EXOC4: variants seen among roughly 807,000 people sequenced by gnomAD.
The protein encoded by EXOC4 is exocyst complex component 4.
A neutral mutation model predicts 107.2 loss-of-function variants in EXOC4; 71 were observed. The observed-to-expected ratio is 0.66, with a 90% CI of 0.55 to 0.81. The LOEUF is 0.81. Among genes scored for constraint, EXOC4 ranks in the 30% least tolerant of loss-of-function variants. The pLI, the probability that EXOC4 is intolerant of heterozygous loss-of-function variation, is 0.00. For synonymous variants in EXOC4, 456 were observed against 441.2 expected (o/e 1.03, Z -0.42); for missense variants, 1,108 against 1,189.6 (o/e 0.93, Z 1.01).
At chr7:134,093,138 A>AACAAG in the EXOC4 span, among the ~76,000 whole-genome samples, 1 of 152,274 alleles carries the variant, frequency 6.6e-6, no homozygotes, top group African/African-American at 2.4e-5. Context: ...GGATTAAAAA[A>AACAAG]ACAAGACCCT....
At chr7:133,448,883 T>A in intron 7 of EXOC4, among the ~76,000 whole-genome samples, 1 of 152,080 alleles carries the variant, frequency 6.6e-6, no homozygotes, top group African/African-American at 2.4e-5. Context: ...GGTGGGTGGA[T>A]CACTTGAGGT....
intron 10 of EXOC4, among the ~76,000 whole-genome samples, chr7:133,662,809 A>G (rs1793726400): frequency 6.6e-6 from 1 of 152,194 alleles, no homozygotes; most frequent in Non-Finnish European, 1.5e-5. Flanking sequence ...TTTGCTAAGA[A>G]GCAGTAGATA....
rs111919337 is a variant in EXOC4, at chr7:134,004,893, C to T, written c.2349-19C>T. On this transcript the variant is annotated intron_variant, in intron 15 of 17. Transcript: ENST00000253861. ...AAGGATTTATTATTAACTGCTCTCC[C>T]TATCTCTCTCTTTTTCAGGGTTCAC... is the stretch of plus-strand genomic sequence containing the variant. The T allele has an allele frequency of 1.9e-6, 3 of 1,604,470 alleles. No homozygotes were observed. Among genetic ancestry groups the T allele is most frequent in the South Asian group, 2.2e-5 (2 of 90,010 alleles).
intron 10 of EXOC4, among the ~76,000 whole-genome samples, chr7:133,671,096 A>G (rs545463880): frequency 1.3e-5 from 2 of 152,294 alleles, no homozygotes; most frequent in East Asian, 3.9e-4. Context: ...ATACCTGAAG[A>G]CAAGTGAGCA....
At chr7:133,583,800 G>A (rs923560157) in intron 9 of EXOC4, among the ~76,000 whole-genome samples, 1 of 152,116 alleles carries the variant, frequency 6.6e-6, no homozygotes, top group African/African-American at 2.4e-5. Flanking sequence ...TTAAGTGGAG[G>A]AAGAAATGAT....
At chr7:133,850,102 A>G (rs1485034356) in intron 11 of EXOC4, among the ~76,000 whole-genome samples, 2 of 152,234 alleles carry the variant, frequency 1.3e-5, no homozygotes, top group Non-Finnish European at 2.9e-5. Context: ...TTCTAAACCA[A>G]CAAAACACTG....
intron 9 of EXOC4, among the ~76,000 whole-genome samples, chr7:133,534,036 A>G (rs545136791): frequency 6.6e-6 from 1 of 152,304 alleles, no homozygotes; most frequent in South Asian, 2.1e-4. Flanking sequence ...CCTCTTCTGA[A>G]TAACTCAGTT....
At chr7:133,378,607 A>C (rs1483932931) in intron 7 of EXOC4, among the ~76,000 whole-genome samples, 1 of 152,154 alleles carries the variant, frequency 6.6e-6, no homozygotes, top group Non-Finnish European at 1.5e-5. Context: ...TGAATTTCTT[A>C]TATAATTCAT....
intron 7 of EXOC4, among the ~76,000 whole-genome samples, chr7:133,409,752 A>T (rs542458222): frequency 6.6e-6 from 1 of 152,070 alleles, no homozygotes; most frequent in Non-Finnish European, 1.5e-5. Context: ...GAATGCTACT[A>T]TTGGCCAGCT....
At chr7:133,469,290 C>T (rs1020894283) in intron 7 of EXOC4, among the ~76,000 whole-genome samples, 2 of 152,156 alleles carry the variant, frequency 1.3e-5, no homozygotes, top group Admixed American at 6.5e-5. Flanking sequence ...GTGGCATGCA[C>T]CTGTAATCCC....
At chr7:133,336,759 G>A (rs1250961203) in intron 5 of EXOC4, among the ~76,000 whole-genome samples, 2 of 142,960 alleles carry the variant, frequency 1.4e-5, no homozygotes, top group African/African-American at 2.6e-5. Context: ...CTTAGAGATG[G>A]AGTCTTGCTC....
chr7:133,918,372 C>G (rs557582951), intron 13 of EXOC4, among the ~76,000 whole-genome samples: 392 of 152,250 alleles, frequency 2.6e-3, no homozygotes, highest in Non-Finnish European at 4.2e-3. Flanking sequence ...TTTGTAGCCC[C>G]CATATGGGCC....
intron 10 of EXOC4, among the ~76,000 whole-genome samples, chr7:133,750,789 C>A (rs1478244903): frequency 6.6e-6 from 1 of 152,084 alleles, no homozygotes; most frequent in African/African-American, 2.4e-5. Flanking sequence ...CTATGTTGCC[C>A]AAGCTGGTCT....
chr7:133,997,490 A>C lies in EXOC4; in HGVS notation c.2207-2A>C. ...GATTGGTGTTTTATCCTTACCTTTC[A>C]GTGCTTTCTCCTGCTCAAGACAGCC... On this transcript the variant is annotated splice_acceptor_variant, in intron 14 of 17. Transcript: ENST00000253861. LOFTEE classifies it high-confidence loss of function. 2 of 1,613,478 alleles carry C rather than the reference A, an allele frequency of 1.2e-6. No homozygotes were observed. Among genetic ancestry groups the C allele is most frequent in the East Asian group, 2.2e-5 (1 of 44,858 alleles).
intron 10 of EXOC4, among the ~76,000 whole-genome samples, chr7:133,721,176 CATTAAG>C (rs1007303966): frequency 3.3e-5 from 5 of 151,996 alleles, no homozygotes; most frequent in African/African-American, 1.2e-4. Flanking sequence ...TCATTTTTTT[CATTAAG>C]ATTATGAAAA....
intron 10 of EXOC4, among the ~76,000 whole-genome samples, chr7:133,725,632 G>A (rs190032328): frequency 5.9e-5 from 9 of 152,218 alleles, no homozygotes; most frequent in East Asian, 1.9e-4. Context: ...CACCTCAGCC[G>A]TCCAAAGTGC....
chr7:133,807,194 T>G (rs868770243), intron 10 of EXOC4, among the ~76,000 whole-genome samples: 6 of 152,150 alleles, frequency 3.9e-5, no homozygotes, highest in Middle Eastern at 6.8e-3. Context: ...ATGACTACAA[T>G]AAGAACAATA....
At chr7:133,750,183 T>G (rs1795766889) in intron 10 of EXOC4, among the ~76,000 whole-genome samples, 1 of 152,058 alleles carries the variant, frequency 6.6e-6, no homozygotes, top group African/African-American at 2.4e-5. Context: ...CTCCACTACA[T>G]CCACTTCCCA....
chr7:134,012,935 A>G (rs1433601583), intron 17 of EXOC4, among the ~76,000 whole-genome samples: 1 of 152,194 alleles, frequency 6.6e-6, no homozygotes, highest in Non-Finnish European at 1.5e-5. Flanking sequence ...AATGCTGTTG[A>G]TAGGTTAAAT....
Sources: gnomAD v4.1 joint callset for allele counts (sites outside exome capture counted in the v4.1 genomes callset) on GRCh38, gnomAD v4.1.1 for gene constraint, MANE v1.5 for transcripts, NCBI Gene and HGNC (gene_info 2026-07-23, HGNC 2026-07-21) for gene names.